The following MTMR2 variants were observed in gnomAD, a reference collection of about 807,000 sequenced individuals.
MTMR2 encodes myotubularin related protein 2, also known as phosphatidylinositol-3,5-bisphosphate 3-phosphatase MTMR2.
Under a neutral mutation model 86.9 loss-of-function variants are expected in MTMR2, and 55 were observed. The observed-to-expected ratio is 0.63, with a 90% CI of 0.51 to 0.79. The LOEUF (loss-of-function observed/expected upper bound fraction) is 0.79. MTMR2 is among the 30% of genes least tolerant of loss of function. The pLI is 0.00. For synonymous variants in MTMR2, 241 were observed against 266.8 expected (o/e 0.90, Z 0.94); for missense variants, 659 against 772.3 (o/e 0.85, Z 1.74).
At chr11:95,919,827 T>C (rs1407575391) in intron 1 of MTMR2, among the ~76,000 whole-genome samples, 1 of 152,188 alleles carries the variant, frequency 6.6e-6, no homozygotes, top group Non-Finnish European at 1.5e-5. Flanking sequence ...TTCTTTTATT[T>C]AGATGTTCAC....
chr11:95,836,139 G>A lies in MTMR2; in HGVS notation c.1770+9C>T, dbSNP rs1863266435. 1.9e-6 allele frequency: 3 copies of A among 1,590,216 alleles called. No individual in the cohort carries two copies. Among genetic ancestry groups the A allele is most frequent in the Non-Finnish European group, 2.6e-6 (3 of 1,162,314 alleles). On this transcript the variant is annotated intron_variant, in intron 14 of 14. Transcript: ENST00000346299. ...TGAAAACTCCCATTGTATATTGTAA[G>A]GCACATACCTGTGGTTTCATCCGTG...
At chr11:95,839,054 A>T (rs1863420931) in intron 12 of MTMR2, among the ~76,000 whole-genome samples, 1 of 152,034 alleles carries the variant, frequency 6.6e-6, no homozygotes, top group South Asian at 2.1e-4. Flanking sequence ...ATTGCTTCCA[A>T]GCTTTTACAT....
chr11:95,847,095 C>T (rs1304382445), intron 10 of MTMR2, among the ~76,000 whole-genome samples: 2 of 152,126 alleles, frequency 1.3e-5, no homozygotes, highest in Non-Finnish European at 2.9e-5. Context: ...ATTAAATTAG[C>T]ATGTTAGGTA....
At chr11:95,901,358 T>C (rs1866067732) in intron 1 of MTMR2, among the ~76,000 whole-genome samples, 2 of 152,168 alleles carry the variant, frequency 1.3e-5, no homozygotes, top group South Asian at 4.1e-4. Flanking sequence ...ATACAGTACC[T>C]AGAATTATAC....
chr11:95,881,903 T>C (rs1865336945), intron 2 of MTMR2, among the ~76,000 whole-genome samples: 1 of 152,168 alleles, frequency 6.6e-6, no homozygotes, highest in South Asian at 2.1e-4. Context: ...TTAATGAACG[T>C]ATTTCTAGTA....
At chr11:95,884,899 CT>C (rs1340691165) in intron 2 of MTMR2, among the ~76,000 whole-genome samples, 5 of 151,874 alleles carry the variant, frequency 3.3e-5, no homozygotes, top group Admixed American at 2.0e-4. Flanking sequence ...TACTACTTTT[CT>C]TTTTTTTCTC....
intron 1 of MTMR2, among the ~76,000 whole-genome samples, chr11:95,906,922 G>C (rs967603612): frequency 2.0e-5 from 3 of 152,188 alleles, no homozygotes; most frequent in Non-Finnish European, 2.9e-5. Context: ...AAATGAGAAG[G>C]AACTCAAATT....
intron 1 of MTMR2, among the ~76,000 whole-genome samples, chr11:95,906,574 C>T (rs1866284522): frequency 6.6e-6 from 1 of 152,070 alleles, no homozygotes; most frequent in Non-Finnish European, 1.5e-5. Context: ...AACTCTCCAC[C>T]CAAAAACAAC....
intron 3 of MTMR2, 46 bp from the exon 4 acceptor site, chr11:95,862,412 T>G: frequency 7.4e-7 from 1 of 1,346,196 alleles, no homozygotes; most frequent in Non-Finnish European, 1.1e-6. Flanking sequence ...TATGTGCTAT[T>G]AAAACCTGCT....
intron 1 of MTMR2, among the ~76,000 whole-genome samples, chr11:95,908,366 C>A (rs1447856636): frequency 6.6e-6 from 1 of 152,108 alleles, no homozygotes; most frequent in Non-Finnish European, 1.5e-5. Context: ...AAACACATTC[C>A]ATGCTCATGG....
At chr11:95,843,267 G>A (rs935292805) in intron 11 of MTMR2, among the ~76,000 whole-genome samples, 2 of 152,132 alleles carry the variant, frequency 1.3e-5, no homozygotes, top group African/African-American at 4.8e-5. Context: ...TGATTAACAA[G>A]TGTGATTTTA....
Position 95,874,451 on chromosome 11 carries a change from A to G in MTMR2, c.187-8775T>C, listed in dbSNP as rs1362629594. Among the ~76,000 whole-genome samples, 3 of 151,892 alleles carry G rather than the reference A, an allele frequency of 2.0e-5. No homozygotes were observed. In the East Asian group the frequency reaches 5.8e-4, roughly 29 times the overall value. On this transcript the variant is annotated intron_variant, in intron 2 of 14. Transcript: ENST00000346299. ...TTTTTGTTTTCCATTTGCTTGGTAG[A>G]TCTTCCTCCATCCCTTTATTTTGAG...
chr11:95,918,044 T>C (rs573226938), intron 1 of MTMR2, among the ~76,000 whole-genome samples: 7 of 152,306 alleles, frequency 4.6e-5, no homozygotes, highest in African/African-American at 1.7e-4. Context: ...ATCTAATAAA[T>C]CGACAAGAGA....
At chr11:95,906,858 T>C (rs1866296160) in intron 1 of MTMR2, among the ~76,000 whole-genome samples, 1 of 152,166 alleles carries the variant, frequency 6.6e-6, no homozygotes, top group South Asian at 2.1e-4. Context: ...TACTAGAATC[T>C]ATGAGACATC....
chr11:95,841,788 T>G, intron 11 of MTMR2, 79 bp from the exon 12 acceptor site: 1 of 1,202,414 alleles, frequency 8.3e-7, no homozygotes, highest in Non-Finnish European at 1.2e-6. Context: ...AAAAAAATAA[T>G]TGGTCAATAG....
chr11:95,923,355 G>A (rs1289227304), intron 1 of MTMR2, among the ~76,000 whole-genome samples: 3 of 152,172 alleles, frequency 2.0e-5, no homozygotes, highest in Non-Finnish European at 4.4e-5. Flanking sequence ...CAAAAAGGGA[G>A]GCGAGAAGAA....
At chr11:95,873,058 A>G (rs1231853497) in intron 2 of MTMR2, among the ~76,000 whole-genome samples, 2 of 152,060 alleles carry the variant, frequency 1.3e-5, no homozygotes, top group African/African-American at 2.4e-5. Flanking sequence ...GTTCATCAGG[A>G]ATACTGGTCT....
At chr11:95,916,154 T>A (rs1345089648) in intron 1 of MTMR2, among the ~76,000 whole-genome samples, 1 of 152,084 alleles carries the variant, frequency 6.6e-6, no homozygotes, top group East Asian at 1.9e-4. Context: ...AGACTTTAGG[T>A]GGAAAATGTC....
chr11:95,862,460 T>C, intron 3 of MTMR2, 94 bp from the exon 4 acceptor site: 2 of 957,948 alleles, frequency 2.1e-6, no homozygotes, highest in Non-Finnish European at 3.3e-6. Context: ...CCTAGACTAA[T>C]TTATGCTGAA....
Sources: allele counts gnomAD v4.1 joint callset (sites outside exome capture counted in the v4.1 genomes callset), GRCh38; gene constraint gnomAD v4.1.1; transcripts MANE v1.5; gene names NCBI Gene and HGNC (gene_info 2026-07-23, HGNC 2026-07-21).